ASH1L: variants seen among roughly 807,000 people sequenced by gnomAD.
ASH1L encodes histone-lysine N-methyltransferase ASH1L.
Under a neutral mutation model 269.0 loss-of-function variants are expected in ASH1L, and 23 were observed. That is an observed-to-expected ratio of 0.09 (90% CI 0.06 to 0.12). The LOEUF (loss-of-function observed/expected upper bound fraction) is 0.12. ASH1L is among the 10% of genes least tolerant of loss of function. The pLI is 1.00. For missense variants in ASH1L, 2,912 were observed against 3,567.8 expected (o/e 0.82, Z 4.68); for synonymous variants, 1,187 against 1,253.5 (o/e 0.95, Z 1.12).
chr1:155,542,249 A>C (rs528912606), intron 1 of ASH1L, among the ~76,000 whole-genome samples: 1 of 152,298 alleles, frequency 6.6e-6, no homozygotes, highest in South Asian at 2.1e-4. Context: ...TTTTCCCATT[A>C]ATAAATTATT....
chr1:155,531,821 C>T (rs1013290187), intron 1 of ASH1L, among the ~76,000 whole-genome samples: 2 of 152,106 alleles, frequency 1.3e-5, no homozygotes, highest in African/African-American at 4.8e-5. Flanking sequence ...TCAAGATAAA[C>T]CCAAATTCTG....
intron 5 of ASH1L, among the ~76,000 whole-genome samples, chr1:155,428,912 CG>C (rs979482060): frequency 6.6e-6 from 1 of 152,070 alleles, no homozygotes; most frequent in Non-Finnish European, 1.5e-5. Flanking sequence ...CTGTGAGACC[CG>C]ATTTCCCACT....
At chr1:155,395,838 T>TA (rs1003553328) in intron 6 of ASH1L, among the ~76,000 whole-genome samples, 119 of 151,180 alleles carry the variant, frequency 7.9e-4, no homozygotes, top group African/African-American at 2.6e-3. Context: ...TCTCTACTTT[T>TA]AAAAAAAAAG....
chr1:155,349,707 G>GTTTT, intron 17 of ASH1L, 111 bp from the exon 18 acceptor site: 2 of 422,734 alleles, frequency 4.7e-6, no homozygotes, highest in South Asian at 5.3e-5. Flanking sequence ...AAAAATCCAA[G>GTTTT]TCTTTTTTTT....
At chr1:155,461,988 C>A (rs1364276042) in intron 3 of ASH1L, among the ~76,000 whole-genome samples, 1 of 151,756 alleles carries the variant, frequency 6.6e-6, no homozygotes, top group Non-Finnish European at 1.5e-5. Context: ...TTAGTAGAGA[C>A]GGGGTTCCAT....
chr1:155,365,879 A>C (rs1655376229), intron 12 of ASH1L, among the ~76,000 whole-genome samples: 1 of 152,186 alleles, frequency 6.6e-6, no homozygotes, highest in Non-Finnish European at 1.5e-5. Flanking sequence ...CCTAATAGGC[A>C]GGAATATCAT....
intron 2 of ASH1L, among the ~76,000 whole-genome samples, chr1:155,499,745 A>G (rs1667388169): frequency 6.6e-6 from 1 of 152,226 alleles, no homozygotes; most frequent in South Asian, 2.1e-4. Context: ...GACAACCATA[A>G]AAAGCAGTAT....
chr1:155,360,441 T>C, intron 12 of ASH1L, 32 bp from the exon 13 acceptor site: 1 of 1,456,478 alleles, frequency 6.9e-7, no homozygotes, highest in Non-Finnish European at 9.5e-7. Flanking sequence ...TTATAAAGGC[T>C]GGAAATTTTT....
chr1:155,405,250 G>A (rs755424890), intron 6 of ASH1L, among the ~76,000 whole-genome samples: 8 of 122,836 alleles, frequency 6.5e-5, no homozygotes, highest in African/African-American at 1.3e-4. Flanking sequence ...GGGGGCTGAG[G>A]GGGGGGCAGA....
At position 155,478,884 on chromosome 1, in the gene ASH1L, G is replaced by A; in HGVS notation, c.3986C>T (p.Thr1329Ile). 1.2e-6 allele frequency: 2 copies of A among 1,613,982 alleles called. No homozygotes were observed. The highest frequency in any genetic ancestry group is 1.3e-5 in the African/African-American group (1 of 74,968). Residue 1329 changes from threonine (T) to isoleucine (I), a missense_variant, in exon 3 of 28, where the codon ACA becomes ATA. Physicochemically the swap from Thr to Ile is moderately conservative, Grantham distance 89 (BLOSUM62 -1). Around this residue, in one of 13 missense-constraint regions of ASH1L, gnomAD observed 789 missense variants for 897.6 expected, o/e 0.88. Transcript: ENST00000392403. The surrounding 1 kb of genome is among the most constrained non-coding windows in gnomAD (Gnocchi z 4.6). ...AGGGTCTAAGGGGAAAGAAGGATGT[G>A]TATAGAAACTATTAAAGTTGATTCG... ...IFRINFNSFYTHPSFPLDPLH... is the reference protein window; with the variant it reads ...IFRINFNSFYIHPSFPLDPLH...
chr1:155,343,277 G>A lies in ASH1L; in HGVS notation c.8293+37C>T. 2 of 1,585,438 alleles carry A rather than the reference G, an allele frequency of 1.3e-6. No individual in the cohort carries two copies. Among genetic ancestry groups the A allele is most frequent in the East Asian group, 2.2e-5 (1 of 44,678 alleles). On this transcript the variant is annotated intron_variant, in intron 24 of 27. Coordinates refer to ENST00000392403, the MANE Select transcript of ASH1L (RefSeq NM_018489.3). The surrounding 1 kb of genome is among the most constrained non-coding windows in gnomAD (Gnocchi z 6.1). Reference sequence around the variant, plus strand: ...ATTATCAGCGTGAGCCACTGCACTTGGCCGAGGTCATTTTTTAACTAGCCC... The same window carrying A: ...ATTATCAGCGTGAGCCACTGCACTTAGCCGAGGTCATTTTTTAACTAGCCC...
chr1:155,355,821 G>A (rs73008927), intron 15 of ASH1L, among the ~76,000 whole-genome samples: 271 of 151,328 alleles, frequency 1.8e-3, no homozygotes, highest in African/African-American at 6.4e-3. Context: ...GCTTCTGAAA[G>A]AGACAATTCT....
chr1:155,396,346 C>T (rs1304082008), intron 6 of ASH1L: 18 of 152,004 alleles, frequency 1.2e-4, no homozygotes, highest in Admixed American at 1.2e-3. Flanking sequence ...TGGAGTTTCG[C>T]TCTTGTCACC....
At chr1:155,503,076 C>G (rs953196184) in intron 2 of ASH1L, among the ~76,000 whole-genome samples, 1 of 152,034 alleles carries the variant, frequency 6.6e-6, no homozygotes, top group Non-Finnish European at 1.5e-5. Context: ...GCCCCCAGCC[C>G]GTAAAATCAA....
chr1:155,553,749 G>A (rs1364320940), intron 1 of ASH1L, among the ~76,000 whole-genome samples: 1 of 151,466 alleles, frequency 6.6e-6, no homozygotes, highest in Non-Finnish European at 1.5e-5. Flanking sequence ...ATAGGCAAAT[G>A]TATTACATAA....
intron 1 of ASH1L, among the ~76,000 whole-genome samples, chr1:155,549,488 A>C (rs1389564621): frequency 6.6e-6 from 1 of 152,010 alleles, no homozygotes; most frequent in South Asian, 2.1e-4. Flanking sequence ...AAATACAAAA[A>C]TTAGCCAGGC....
intron 10 of ASH1L, among the ~76,000 whole-genome samples, chr1:155,372,950 T>G (rs964339903): frequency 6.6e-6 from 1 of 152,050 alleles, no homozygotes; most frequent in African/African-American, 2.4e-5. Context: ...CAGTGGCTCA[T>G]GCCTGTAATC....
In ASH1L at chr1:155,343,261, G is replaced by GT. The variant is rs1232726323; in HGVS notation, c.8293+52dup. ...CTCCCACACCGCTGGGATTATCAGC[G>GT]TGAGCCACTGCACTTGGCCGAGGTC... On this transcript the variant is annotated intron_variant, in intron 24 of 27. Coordinates refer to ENST00000392403, the MANE Select transcript of ASH1L (RefSeq NM_018489.3). This position sits in a 1 kb window ranked among gnomAD's most constrained non-coding sequence, Gnocchi z 6.1. 1.9e-6 allele frequency: 3 copies of GT among 1,564,330 alleles called. No individual in the cohort carries two copies. The highest frequency in any genetic ancestry group is 1.8e-5 in the Admixed American group (1 of 55,698).
chr1:155,479,115 C>T lies in ASH1L; in HGVS notation c.3755G>A (p.Cys1252Tyr), dbSNP rs1403009836. ...GAGGTAATCATGATTCCTGCGCTTA[C>T]ATTTGTGTTTATGTTTTTCTTTAAG... ...SSLKEKHKHK[C>Y]KRRNHDYLSY... Residue 1252 changes from cysteine to tyrosine, a missense_variant, in exon 3 of 28, where the codon TGT (cysteine) becomes TAT (tyrosine). Around this residue, in one of 13 missense-constraint regions of ASH1L, gnomAD observed 789 missense variants for 897.6 expected, o/e 0.88. Coordinates refer to ENST00000392403, the MANE Select transcript of ASH1L (RefSeq NM_018489.3). The T allele has an allele frequency of 1.2e-6, 2 of 1,613,934 alleles. No individual in the cohort carries two copies. The highest frequency in any genetic ancestry group is 1.7e-5 in the Admixed American group (1 of 59,980).
Sources: gnomAD v4.1 joint callset for allele counts (sites outside exome capture counted in the v4.1 genomes callset) on GRCh38, gnomAD v4.1.1 for gene constraint, gnomAD v4.1.1 regional missense constraint, Gnocchi (gnomAD v3.1) non-coding constraint, MANE v1.5 for transcripts, NCBI Gene and HGNC (gene_info 2026-07-23, HGNC 2026-07-21) for gene names.